PBX3: variants seen among roughly 807,000 people sequenced by gnomAD.
PBX3 encodes the protein PBX homeobox 3.
PBX3 carries 14 observed loss-of-function variants against 48.5 expected under a neutral mutation model. That is an observed-to-expected ratio of 0.29 (90% CI 0.19 to 0.45). The LOEUF (loss-of-function observed/expected upper bound fraction) is 0.45. Ranked by LOEUF, PBX3 falls within the 20% of genes least tolerant of loss-of-function variation. The pLI, the probability that PBX3 is intolerant of heterozygous loss-of-function variation, is 1.00. For missense variants in PBX3, 386 were observed against 546.7 expected, an observed-to-expected ratio of 0.71 and a Z score of 2.93; for synonymous variants, 210 against 200.3, an observed-to-expected ratio of 1.05 and a Z score of -0.41.
At chr9:125,808,509 T>G (rs983787983) in intron 2 of PBX3, among the ~76,000 whole-genome samples, 1 of 151,802 alleles carries the variant, frequency 6.6e-6, no homozygotes, top group Admixed American at 6.6e-5. Flanking sequence ...TACAAAAAAT[T>G]TAAAAAATTA....
At chr9:125,948,260 G>A (rs975192971) in intron 5 of PBX3, among the ~76,000 whole-genome samples, 3 of 152,090 alleles carry the variant, frequency 2.0e-5, no homozygotes, top group Non-Finnish European at 4.4e-5. Context: ...GACATACATA[G>A]AACACTACAT....
At chr9:125,766,654 A>G (rs1190501769) in intron 2 of PBX3, among the ~76,000 whole-genome samples, 1 of 152,120 alleles carries the variant, frequency 6.6e-6, no homozygotes, top group Non-Finnish European at 1.5e-5. Context: ...TTTTGCTGAC[A>G]CAGAATATTT....
At chr9:125,761,887 C>G (rs539451246) in intron 2 of PBX3, among the ~76,000 whole-genome samples, 2 of 152,184 alleles carry the variant, frequency 1.3e-5, no homozygotes, top group East Asian at 3.9e-4. Flanking sequence ...AATGATGCTG[C>G]TATTTATAGA....
intron 2 of PBX3, among the ~76,000 whole-genome samples, chr9:125,867,959 CT>C (rs1396957125): frequency 6.6e-6 from 1 of 152,078 alleles, no homozygotes; most frequent in East Asian, 1.9e-4. Flanking sequence ...CACTGCAACC[CT>C]GACCTCCTGG....
At chr9:125,767,729 T>C (rs1413209041) in intron 2 of PBX3, among the ~76,000 whole-genome samples, 1 of 152,214 alleles carries the variant, frequency 6.6e-6, no homozygotes, top group East Asian at 1.9e-4. Context: ...TTTAAAAAAC[T>C]ACATTTTATC....
rs369234347 is a variant in PBX3 at position 125,845,900 on chromosome 9, G to A, written c.275-69786G>A. 1.4e-4 allele frequency among the ~76,000 whole-genome samples: 22 copies of A among 152,112 alleles called. 1 individual carries two copies. The South Asian group carries it at 2.9e-3, about 20-fold the overall frequency. ...TCCACAAATTCAGATATTCTATATG[G>A]TATGATTAAGAAAGTAAATGTATAA... On this transcript the variant is annotated intron_variant, in intron 2 of 8. Transcript: ENST00000373489.
At chr9:125,936,934 T>C (rs1449042663) in intron 5 of PBX3, among the ~76,000 whole-genome samples, 1 of 152,092 alleles carries the variant, frequency 6.6e-6, no homozygotes, top group Non-Finnish European at 1.5e-5. Flanking sequence ...AAAAGAAGAA[T>C]CGTTTCAAGT....
chr9:125,884,652 CTG>C (rs1387829832), intron 2 of PBX3, among the ~76,000 whole-genome samples: 1 of 152,192 alleles, frequency 6.6e-6, no homozygotes, highest in Admixed American at 6.5e-5. Flanking sequence ...GTAGGAAAGA[CTG>C]AGACTGTAAA....
chr9:125,796,432 A>G (rs1837781178), intron 2 of PBX3, among the ~76,000 whole-genome samples: 1 of 152,128 alleles, frequency 6.6e-6, no homozygotes, highest in African/African-American at 2.4e-5. Context: ...AATTGATGGG[A>G]CAGATATGAC....
intron 2 of PBX3, among the ~76,000 whole-genome samples, chr9:125,831,706 A>G (rs1035233214): frequency 1.1e-4 from 17 of 152,064 alleles, no homozygotes; most frequent in African/African-American, 4.1e-4. Context: ...TTGTATATGT[A>G]GTGTGTTTTA....
chr9:125,929,470 G>A (rs1841665838), intron 3 of PBX3, among the ~76,000 whole-genome samples, 185 bp from the exon 4 acceptor site: 1 of 152,168 alleles, frequency 6.6e-6, no homozygotes, highest in Non-Finnish European at 1.5e-5. Context: ...ACCATGCACG[G>A]TTTCAGAATT....
chr9:125,784,808 A>G (rs1308213853), intron 2 of PBX3, among the ~76,000 whole-genome samples: 1 of 149,502 alleles, frequency 6.7e-6, no homozygotes, highest in South Asian at 2.2e-4. Flanking sequence ...TCACTTGGTA[A>G]GGTCATTTAC....
intron 2 of PBX3, among the ~76,000 whole-genome samples, chr9:125,767,565 A>T (rs1286676006): frequency 6.6e-6 from 1 of 152,210 alleles, no homozygotes; most frequent in African/African-American, 2.4e-5. Context: ...TGATAAAAGC[A>T]GTGGACCCAC....
intron 3 of PBX3, among the ~76,000 whole-genome samples, chr9:125,923,627 GCGAA>G (rs1456044182): frequency 6.6e-6 from 1 of 152,086 alleles, no homozygotes; most frequent in East Asian, 1.9e-4. Flanking sequence ...GTACAGTGGG[GCGAA>G]CATGGCTCAC....
chr9:125,937,122 A>G (rs117023764), intron 5 of PBX3, among the ~76,000 whole-genome samples: 2,769 of 152,340 alleles, frequency 0.018, 42 homozygotes, highest in Middle Eastern at 0.075. Flanking sequence ...TTTTTAAAAA[A>G]CAATTCTATA....
At chr9:125,748,415 GT>G (rs1836268757) in intron 1 of PBX3, 134 bp from the exon 2 acceptor site, 1 of 1,436,600 alleles carries the variant, frequency 7.0e-7, no homozygotes, top group Non-Finnish European at 9.2e-7. Flanking sequence ...TGGAGTTTTT[GT>G]TGACTTCCCA....
At chr9:125,941,351 A>G (rs907419811) in intron 5 of PBX3, among the ~76,000 whole-genome samples, 1 of 152,208 alleles carries the variant, frequency 6.6e-6, no homozygotes, top group African/African-American at 2.4e-5. Context: ...GGCCATGGTG[A>G]TGACTTGGGC....
chr9:125,782,106 A>G (rs1176640741), intron 2 of PBX3, among the ~76,000 whole-genome samples: 1 of 152,196 alleles, frequency 6.6e-6, no homozygotes, highest in African/African-American at 2.4e-5. Flanking sequence ...TGCTAAAGAC[A>G]TACCCAAGAG....
At chr9:125,763,237 A>G (rs760562400) in intron 2 of PBX3, among the ~76,000 whole-genome samples, 10 of 152,210 alleles carry the variant, frequency 6.6e-5, no homozygotes, top group Admixed American at 1.3e-4. Context: ...ATTACAAGGC[A>G]TATATGTTTT....
Sources: allele counts gnomAD v4.1 joint callset (sites outside exome capture counted in the v4.1 genomes callset), GRCh38; gene constraint gnomAD v4.1.1; transcripts MANE v1.5; gene names NCBI Gene and HGNC (gene_info 2026-07-23, HGNC 2026-07-21).